ZFYVE9: variants seen among roughly 807,000 people sequenced by gnomAD.
ZFYVE9 encodes zinc finger FYVE domain-containing protein 9.
A neutral mutation model predicts 126.7 loss-of-function variants in ZFYVE9; 43 were observed. That is an observed-to-expected ratio of 0.34 (90% CI 0.27 to 0.44). The LOEUF (loss-of-function observed/expected upper bound fraction) is 0.44. ZFYVE9 is among the 20% of genes least tolerant of loss of function. The pLI is 1.00. For synonymous variants in ZFYVE9, 521 were observed against 597.4 expected, an observed-to-expected ratio of 0.87 and a Z score of 1.87; for missense variants, 1,476 against 1,697.0, an observed-to-expected ratio of 0.87 and a Z score of 2.29.
chr1:52,225,799 A>G (rs182486103), intron 2 of ZFYVE9, among the ~76,000 whole-genome samples: 80 of 152,282 alleles, frequency 5.3e-4, no homozygotes, highest in Admixed American at 3.2e-3. Flanking sequence ...AAGGTTGAGG[A>G]CACCCAAGAG....
intron 1 of ZFYVE9, among the ~76,000 whole-genome samples, chr1:52,174,314 T>C (rs1644602678): frequency 6.6e-6 from 1 of 151,348 alleles, no homozygotes; most frequent in Non-Finnish European, 1.5e-5. Context: ...TTGAGTGGTT[T>C]TGAGTGAGTT....
At chr1:52,155,925 A>G (rs921163686) in intron 1 of ZFYVE9, among the ~76,000 whole-genome samples, 3 of 152,180 alleles carry the variant, frequency 2.0e-5, no homozygotes, top group Admixed American at 6.5e-5. Context: ...GCTGAAATGG[A>G]AGATCCCTGA....
rs376088136 is a variant in ZFYVE9, at chr1:52,245,968, C to T, written c.2178+6373C>T. Among the ~76,000 whole-genome samples the T allele has an allele frequency of 6.2e-4, 94 of 152,310 alleles. 2 individuals are homozygous for T. The East Asian group carries it at 0.017, about 28-fold the overall frequency. Reference sequence around the variant, plus strand: ...TTGGAGACAGGGTCTCACTCTGTCGCCCAGGCTGGAGTGCAGTGATGCAAT... The same window carrying T: ...TTGGAGACAGGGTCTCACTCTGTCGTCCAGGCTGGAGTGCAGTGATGCAAT... On this transcript the variant is annotated intron_variant, in intron 4 of 18. Transcript: ENST00000287727.
intron 1 of ZFYVE9, among the ~76,000 whole-genome samples, chr1:52,184,448 G>A (rs1572083417): frequency 1.6e-5 from 2 of 127,700 alleles, no homozygotes; most frequent in Non-Finnish European, 3.2e-5. Context: ...GTTTCCTCAT[G>A]TTGGCCAGGC....
chr1:52,176,451 A>C (rs889293266), intron 1 of ZFYVE9, among the ~76,000 whole-genome samples: 1 of 152,224 alleles, frequency 6.6e-6, no homozygotes, highest in Non-Finnish European at 1.5e-5. Context: ...TCAAGGACCC[A>C]CTTGAGGAGG....
At position 52,334,788 on chromosome 1, in the gene ZFYVE9, G is replaced by T. The variant is rs943859678; in HGVS notation, c.3670+20G>T. 2.5e-6 allele frequency: 4 copies of T among 1,611,186 alleles called. No homozygotes were observed. The highest frequency in any genetic ancestry group is 1.7e-5 in the Admixed American group (1 of 59,950). Reference sequence around the variant, plus strand: ...TGGAAGGTAAAGAATGAATTGTTCAGTCCTCATAATAAGGACTGAACTTAT... The same window carrying T: ...TGGAAGGTAAAGAATGAATTGTTCATTCCTCATAATAAGGACTGAACTTAT... On this transcript the variant is annotated intron_variant, in intron 15 of 18. Coordinates refer to ENST00000287727, the MANE Select transcript of ZFYVE9 (RefSeq NM_004799.4).
intron 4 of ZFYVE9, among the ~76,000 whole-genome samples, chr1:52,261,377 A>G (rs565369014): frequency 6.6e-6 from 1 of 152,004 alleles, no homozygotes; most frequent in African/African-American, 2.4e-5. Flanking sequence ...AGCTGGGACA[A>G]TAGGTGTACT....
chr1:52,342,881 A>G (rs1646451318), intron 17 of ZFYVE9, among the ~76,000 whole-genome samples: 1 of 151,322 alleles, frequency 6.6e-6, no homozygotes, highest in Non-Finnish European at 1.5e-5. Context: ...CAGAGAAGTC[A>G]GGTGCTTTCC....
chr1:52,144,306 A>G (rs929825507), intron 1 of ZFYVE9, among the ~76,000 whole-genome samples: 1 of 152,066 alleles, frequency 6.6e-6, no homozygotes, highest in African/African-American at 2.4e-5. Flanking sequence ...CAACAGAGCG[A>G]GACTCCATCT....
chr1:52,221,299 G>C (rs1479874098), intron 2 of ZFYVE9, among the ~76,000 whole-genome samples: 2 of 152,192 alleles, frequency 1.3e-5, no homozygotes, highest in Non-Finnish European at 2.9e-5. Context: ...GTGATGCCCT[G>C]TTTGGAAAGG....
chr1:52,163,330 T>C (rs886503307), intron 1 of ZFYVE9, among the ~76,000 whole-genome samples: 1 of 152,228 alleles, frequency 6.6e-6, no homozygotes, highest in Non-Finnish European at 1.5e-5. Context: ...CTCATGTCTA[T>C]GAGGTGCTCC....
At chr1:52,160,684 G>C in intron 1 of ZFYVE9, 1 of 530,968 alleles carries the variant, frequency 1.9e-6, no homozygotes, top group South Asian at 3.2e-5. Context: ...GCAGTGCTGG[G>C]ATTACAGGCG....
intron 10 of ZFYVE9, among the ~76,000 whole-genome samples, chr1:52,284,906 A>G (rs1645843337): frequency 6.6e-6 from 1 of 152,210 alleles, no homozygotes; most frequent in South Asian, 2.1e-4. Flanking sequence ...ACACGAACAT[A>G]TATATGTATA....
intron 10 of ZFYVE9, 88 bp downstream of exon 10, chr1:52,281,904 G>C (rs1216870076): frequency 6.7e-7 from 1 of 1,485,688 alleles, no homozygotes; most frequent in Non-Finnish European, 9.3e-7. Context: ...CTTAACTTTG[G>C]ACTTAAGCAT....
intron 9 of ZFYVE9, 107 bp from the exon 10 acceptor site, chr1:52,281,554 T>A: frequency 8.1e-7 from 1 of 1,242,234 alleles, no homozygotes; most frequent in Non-Finnish European, 1.1e-6. Context: ...CTCAGTGTGA[T>A]CTATTTTAAT....
chr1:52,242,637 A>T (rs1468621070), intron 4 of ZFYVE9, among the ~76,000 whole-genome samples: 1 of 152,148 alleles, frequency 6.6e-6, no homozygotes, highest in Non-Finnish European at 1.5e-5. Context: ...ATTTTAAATT[A>T]GTCATGTGTA....
chr1:52,254,165 T>C, intron 4 of ZFYVE9: 1 of 659,366 alleles, frequency 1.5e-6, no homozygotes, highest in South Asian at 1.9e-5. Flanking sequence ...TTTCATGATG[T>C]ATTGTTCAAT....
At chr1:52,284,556 A>G (rs1478740435) in intron 10 of ZFYVE9, among the ~76,000 whole-genome samples, 2 of 151,894 alleles carry the variant, frequency 1.3e-5, no homozygotes, top group Non-Finnish European at 2.9e-5. Flanking sequence ...AGTAGCTGGG[A>G]CTACAGGCGC....
At chr1:52,163,493 A>G (rs1324700805) in intron 1 of ZFYVE9, among the ~76,000 whole-genome samples, 2 of 152,160 alleles carry the variant, frequency 1.3e-5, no homozygotes, top group Non-Finnish European at 2.9e-5. Flanking sequence ...GTGCTGACCT[A>G]TTTTATTTTT....
Sources: gnomAD v4.1 joint callset for allele counts (sites outside exome capture counted in the v4.1 genomes callset) on GRCh38, gnomAD v4.1.1 for gene constraint, MANE v1.5 for transcripts, NCBI Gene and HGNC (gene_info 2026-07-23, HGNC 2026-07-21) for gene names.